Variants in DHCR7 observed in about 807,000 individuals in gnomAD.
DHCR7 encodes 7-dehydrocholesterol reductase.
Under a neutral mutation model 43.3 loss-of-function variants are expected in DHCR7, and 40 were observed. The observed-to-expected ratio is 0.92, with a 90% confidence interval of 0.72 to 1.20. The LOEUF is 1.20. DHCR7 is among the 50% of genes most tolerant of loss of function. The pLI, the probability that DHCR7 is intolerant of heterozygous loss-of-function variation, is 0.00. For synonymous variants in DHCR7, 298 were observed against 271.4 expected (o/e 1.10, Z -0.96); for missense variants, 608 against 644.6 (o/e 0.94, Z 0.62).
At chr11:71,441,589 G>A in intron 5 of DHCR7, 149 bp from the exon 6 acceptor site, 1 of 722,062 alleles carries the variant, frequency 1.4e-6, no homozygotes, top group East Asian at 2.7e-5. Context: ...AACCATCTCT[G>A]AGGCCCCTAT....
At chr11:71,437,654 G>A (rs1353751034) in intron 8 of DHCR7, among the ~76,000 whole-genome samples, 158 bp downstream of exon 8, 3 of 152,178 alleles carry the variant, frequency 2.0e-5, no homozygotes, top group Non-Finnish European at 4.4e-5. Context: ...CTGGCTGCTG[G>A]CCCAAGCTGG....
At chr11:71,430,133 G>A (rs1210685274), downstream of DHCR7, among the ~76,000 whole-genome samples, 3 of 152,234 alleles carry the variant, frequency 2.0e-5, no homozygotes, top group African/African-American at 4.8e-5. Context: ...AACACACAGA[G>A]GGGACTTAGA....
chr11:71,445,149 T>C (rs549595196), intron 2 of DHCR7, among the ~76,000 whole-genome samples, 191 bp from the exon 3 acceptor site: 7 of 152,336 alleles, frequency 4.6e-5, no homozygotes, highest in Non-Finnish European at 8.8e-5. Context: ...CCTTGGACCC[T>C]GCAATCACCT....
At chr11:71,448,183 C>A (rs1308237805) in intron 1 of DHCR7, 107 bp downstream of exon 1, 1 of 153,894 alleles carries the variant, frequency 6.5e-6, no homozygotes, top group Non-Finnish European at 1.4e-5. Context: ...GCCCCCTACC[C>A]CTGACCCCAC....
upstream of DHCR7, chr11:71,448,773 C>T (rs1949432983): frequency 6.6e-6 from 1 of 152,282 alleles, no homozygotes; most frequent in Non-Finnish European, 1.5e-5. Context: ...TCGCGACGCA[C>T]ATTGATGGAG....
In DHCR7 at chr11:71,437,942, G is replaced by A. The variant is rs1343520903; in HGVS notation, c.833C>T (p.Ala278Val). The A allele has an allele frequency of 6.2e-7, 1 of 1,613,010 alleles. No individual in the cohort carries two copies. Among genetic ancestry groups the A allele is most frequent in the African/African-American group, 1.3e-5 (1 of 75,056 alleles). ...CCAGAAGAAGTCAATCACGTAGATG[G>A]CCTGCAAGACAGAAGCAGCCGCTGA... The part of the protein sequence containing the change: ...NAMVLVNVLQ[A>V]IYVIDFFWNE... Residue 278 changes from alanine (A) to valine (V), a missense_variant and splice_region_variant, in exon 8 of 9, where the codon GCC (alanine) becomes GTC (valine). Ala to Val is a moderately conservative substitution (Grantham distance 64). Coordinates refer to ENST00000355527, the MANE Select transcript of DHCR7 (RefSeq NM_001360.3).
rs12407 is a variant in DHCR7, at chr11:71,434,585, G to A, written c.*790C>T. 1.2e-4 allele frequency: 19 copies of A among 157,094 alleles called. No homozygotes were observed. The highest frequency in any genetic ancestry group is 3.6e-4 in the Admixed American group (6 of 16,468). 9.7% of individuals were successfully genotyped at this position (157,094 alleles called of 1,614,324 possible). A position where few individuals can be genotyped will look rare whatever the true frequency, so the allele number is the denominator to read the frequency against. ...AGACCTCCTCGCTGGAGAAGGTGTG[G>A]GAGGCCCCTGAGGGTGAAGTTCCCC... On this transcript the variant is annotated 3_prime_UTR_variant, in exon 9 of 9. Transcript: ENST00000355527.
At chr11:71,436,662 CAAAA>C (rs5792559) in intron 8 of DHCR7, among the ~76,000 whole-genome samples, 2 of 143,988 alleles carry the variant, frequency 1.4e-5, no homozygotes, top group African/African-American at 2.6e-5. Context: ...GACTCCGTCT[CAAAA>C]AAAAAAAAAA....
At chr11:71,437,449 T>C (rs956362716) in intron 8 of DHCR7, among the ~76,000 whole-genome samples, 1 of 152,102 alleles carries the variant, frequency 6.6e-6, no homozygotes, top group African/African-American at 2.4e-5. Flanking sequence ...CAAGGCCACT[T>C]GCTATCCCCT....
intron 1 of DHCR7, 148 bp from the exon 2 acceptor site, chr11:71,447,882 ACAAGCCAGTCC>A (rs1949420885): frequency 6.6e-6 from 1 of 152,360 alleles, no homozygotes; most frequent in South Asian, 2.1e-4. Context: ...AGGACGGCGG[ACAAGCCAGTCC>A]CATCGCAAAG....
At chr11:71,442,469 G>A in intron 4 of DHCR7, 116 bp from the exon 5 acceptor site, 2 of 775,598 alleles carry the variant, frequency 2.6e-6, no homozygotes, top group East Asian at 5.3e-5. Context: ...AGCACTTATG[G>A]CTCCTGGAAG....
intron 2 of DHCR7, among the ~76,000 whole-genome samples, chr11:71,447,385 C>T (rs1949416297): frequency 6.6e-6 from 1 of 152,230 alleles, no homozygotes; most frequent in African/African-American, 2.4e-5. Flanking sequence ...GGAGTCAGCT[C>T]TTTAGCCACA....
At chr11:71,436,135 A>G (rs550851094) in intron 8 of DHCR7, among the ~76,000 whole-genome samples, 36 of 152,348 alleles carry the variant, frequency 2.4e-4, no homozygotes, top group African/African-American at 7.7e-4. Flanking sequence ...TAAAAATATA[A>G]TCTGAATTTA....
downstream of DHCR7, among the ~76,000 whole-genome samples, chr11:71,429,852 C>G (rs1020454799): frequency 2.0e-5 from 3 of 152,176 alleles, no homozygotes; most frequent in South Asian, 6.2e-4. Context: ...GGTGACCACA[C>G]TCACCCTGTG....
At chr11:71,443,754 C>T (rs1427002332) in intron 4 of DHCR7, among the ~76,000 whole-genome samples, 2 of 152,150 alleles carry the variant, frequency 1.3e-5, no homozygotes, top group African/African-American at 4.8e-5. Flanking sequence ...GCGTGCCCAG[C>T]AACTGCATGC....
At chr11:71,435,915 C>T (rs923905452) in intron 8 of DHCR7, 76 bp from the exon 9 acceptor site, 16 of 1,259,594 alleles carry the variant, frequency 1.3e-5, no homozygotes, top group East Asian at 5.0e-5. Context: ...GGGGGCCCAG[C>T]GGCCTGGGGT....
chr11:71,442,557 T>G (rs1949360403), intron 4 of DHCR7, among the ~76,000 whole-genome samples: 1 of 152,084 alleles, frequency 6.6e-6, no homozygotes, highest in Admixed American at 6.5e-5. Flanking sequence ...GCCAAGGCGT[T>G]CTCCCCCAGG....
downstream of DHCR7, among the ~76,000 whole-genome samples, chr11:71,433,147 C>T (rs762839423): frequency 4.6e-5 from 7 of 152,210 alleles, no homozygotes; most frequent in Non-Finnish European, 7.3e-5. Context: ...GCAATTGGTC[C>T]GAGCCGTCCT....
Position 71,438,940 on chromosome 11 carries a change from G to A in DHCR7, c.770C>T (p.Ala257Val), listed in dbSNP as rs770925697. 16 of 1,613,926 alleles carry A rather than the reference G, an allele frequency of 9.9e-6. No individual in the cohort carries two copies. The Admixed American group carries it at 1.7e-4, about 17-fold the overall frequency. Residue 257 changes from alanine to valine, a missense_variant, in exon 7 of 9, where the codon GCG becomes GTG. Transcript: ENST00000355527. The stretch of plus-strand genomic sequence containing the variant: ...ATGGCTGTGGAGCTCCCGCTGCTTC[G>A]CTGCGAAGGACAGGTTGATGAGGGT... ...AWTLINLSFAAKQRELHSHVT... is the reference protein window; with the variant it reads ...AWTLINLSFAVKQRELHSHVT...
Sources: allele counts gnomAD v4.1 joint callset (sites outside exome capture counted in the v4.1 genomes callset), GRCh38; gene constraint gnomAD v4.1.1; transcripts MANE v1.5; gene names NCBI Gene and HGNC (gene_info 2026-07-23, HGNC 2026-07-21).